Variants in MYO3B observed in about 807,000 individuals in gnomAD.
MYO3B encodes the protein myosin-IIIb.
Under a neutral mutation model 174.6 loss-of-function variants are expected in MYO3B, and 156 were observed. The observed-to-expected ratio is 0.89, with a 90% CI of 0.78 to 1.02. The LOEUF (loss-of-function observed/expected upper bound fraction) is 1.02. Among genes scored for constraint, MYO3B ranks in the 50% least tolerant of loss-of-function variants. The probability of loss-of-function intolerance (pLI) is 0.00; values close to 1 mark genes in which losing one functional copy is unlikely to be tolerated. For missense variants in MYO3B, 1,632 were observed against 1,639.4 expected, an observed-to-expected ratio of 1.00 and a Z score of 0.08; for synonymous variants, 563 against 569.1, an observed-to-expected ratio of 0.99 and a Z score of 0.15.
intron 8 of MYO3B, among the ~76,000 whole-genome samples, chr2:170,336,209 A>T (rs1197160193): frequency 6.6e-6 from 1 of 151,740 alleles, no homozygotes; most frequent in African/African-American, 2.4e-5. Context: ...TAGACCAGGC[A>T]TTACCAACCA....
At chr2:170,372,828 AG>A (rs2094258762) in intron 9 of MYO3B, among the ~76,000 whole-genome samples, 1 of 152,206 alleles carries the variant, frequency 6.6e-6, no homozygotes, top group Non-Finnish European at 1.5e-5. Flanking sequence ...AGTCAAGGAA[AG>A]GGGGTTATTC....
chr2:170,370,910 C>CT (rs1359150749), intron 9 of MYO3B, among the ~76,000 whole-genome samples: 128 of 147,630 alleles, frequency 8.7e-4, no homozygotes, highest in Non-Finnish European at 1.4e-3. Context: ...CTTTTTTTTT[C>CT]TTTTTTTTTC....
chr2:170,201,206 A>G (rs1275157130), intron 3 of MYO3B, among the ~76,000 whole-genome samples: 1 of 152,216 alleles, frequency 6.6e-6, no homozygotes, highest in Non-Finnish European at 1.5e-5. Flanking sequence ...ACGATTCCCT[A>G]TGAGGCTAAA....
chr2:170,435,432 G>GC (rs1468583399), intron 22 of MYO3B, among the ~76,000 whole-genome samples: 1 of 152,174 alleles, frequency 6.6e-6, no homozygotes, highest in African/African-American at 2.4e-5. Flanking sequence ...TCTGTAATGA[G>GC]CAATCTAACC....
In MYO3B at chr2:170,386,266, G is replaced by A; in HGVS notation, c.1368G>A (p.Leu456=). 1 of 1,613,038 alleles carries A rather than the reference G, an allele frequency of 6.2e-7. No individual in the cohort carries two copies. The highest frequency in any genetic ancestry group is 8.5e-7 in the Non-Finnish European group (1 of 1,179,292). ...AHLIVQHLTF[L]GKANNQTLRE... ...TGATTGTTCAGCATTTGACTTTCTT[G>A]GGAAAGGTATTGACTAATCTGCTTT... The change falls in exon 13 of 35, where the codon TTG becomes TTA. Residue 456 remains leucine (L), a synonymous_variant. Transcript: ENST00000408978.
intron 30 of MYO3B, among the ~76,000 whole-genome samples, chr2:170,535,192 T>G (rs1689608647): frequency 6.6e-6 from 1 of 152,192 alleles, no homozygotes; most frequent in Non-Finnish European, 1.5e-5. Context: ...CCCCAGTACT[T>G]ACAATAGTAG....
chr2:170,187,420 T>G (rs1188763970), intron 1 of MYO3B, among the ~76,000 whole-genome samples: 1 of 152,010 alleles, frequency 6.6e-6, no homozygotes, highest in Non-Finnish European at 1.5e-5. Flanking sequence ...TTAGTAGAGA[T>G]GAGGTTTCAC....
intron 32 of MYO3B, among the ~76,000 whole-genome samples, chr2:170,568,449 T>C (rs1272029807): frequency 6.6e-6 from 1 of 152,224 alleles, no homozygotes; most frequent in Non-Finnish European, 1.5e-5. Context: ...TGAAGGCATA[T>C]GGAGCGTTTG....
chr2:170,402,824 G>A, intron 18 of MYO3B, 24 bp from the exon 19 acceptor site: 1 of 1,583,450 alleles, frequency 6.3e-7, no homozygotes, highest in Non-Finnish European at 8.6e-7. Context: ...CCCCTAAAGA[G>A]TTTTGTTCTT....
intron 32 of MYO3B, among the ~76,000 whole-genome samples, chr2:170,629,505 T>TAATA (rs1575290938): frequency 1.3e-5 from 2 of 152,198 alleles, no homozygotes; most frequent in Non-Finnish European, 1.5e-5. Context: ...CTTTTTCTTG[T>TAATA]AATACCTTTT....
chr2:170,480,447 A>G (rs1268090844), intron 25 of MYO3B, among the ~76,000 whole-genome samples: 2 of 152,156 alleles, frequency 1.3e-5, no homozygotes, highest in Admixed American at 6.6e-5. Flanking sequence ...AACTTGCCCT[A>G]CTCATCTCTT....
At chr2:170,188,351 C>T (rs769026743) in intron 1 of MYO3B, among the ~76,000 whole-genome samples, 4 of 151,932 alleles carry the variant, frequency 2.6e-5, no homozygotes, top group South Asian at 2.1e-4. Flanking sequence ...ATATTCAGTC[C>T]GTGTGTGCCT....
At chr2:170,203,782 A>G (rs1419784102) in intron 3 of MYO3B, among the ~76,000 whole-genome samples, 1 of 152,180 alleles carries the variant, frequency 6.6e-6, no homozygotes, top group East Asian at 1.9e-4. Context: ...TGCAGCATTG[A>G]ACACTGACTC....
intron 7 of MYO3B, among the ~76,000 whole-genome samples, chr2:170,240,453 A>G (rs573321529): frequency 6.6e-6 from 1 of 152,316 alleles, no homozygotes; most frequent in Admixed American, 6.5e-5. Flanking sequence ...TCCAGATGAG[A>G]AAACTCAAGG....
intron 32 of MYO3B, among the ~76,000 whole-genome samples, chr2:170,624,482 T>C (rs1696225496): frequency 6.6e-6 from 1 of 152,200 alleles, no homozygotes; most frequent in Non-Finnish European, 1.5e-5. Context: ...CGATGGGACT[T>C]TCTAGATATA....
At chr2:170,499,851 A>T (rs775894208) in intron 27 of MYO3B, 43 bp downstream of exon 27, 1 of 1,596,110 alleles carries the variant, frequency 6.3e-7, no homozygotes, top group Non-Finnish European at 8.6e-7. Context: ...GGGTATTGGC[A>T]TGTCATTAAG....
chr2:170,277,458 A>G (rs1360544017), intron 7 of MYO3B, among the ~76,000 whole-genome samples: 3 of 152,214 alleles, frequency 2.0e-5, no homozygotes, highest in African/African-American at 7.2e-5. Context: ...TGATTTCTGC[A>G]TAATGTGACT....
rs536576287 is a variant in MYO3B, at chr2:170,404,334, C to A, written c.2365C>A (p.Leu789Met). The change falls in exon 20 of 35, where the codon CTG becomes ATG. Residue 789 changes from leucine (L) to methionine (M), a missense_variant. Coordinates refer to ENST00000408978, the MANE Select transcript of MYO3B (RefSeq NM_138995.5). ...CTTGGACATGTTCCTCCAGAAACCC[C>A]TGGGACTGCTTGCACTTTTGGATGA... is the stretch of plus-strand genomic sequence containing the variant. Reference protein sequence around the residue: ...PLLDMFLQKPLGLLALLDEES... With the variant: ...PLLDMFLQKPMGLLALLDEES... 5.3e-5 allele frequency: 85 copies of A among 1,613,966 alleles called. No homozygotes were observed. Among genetic ancestry groups the A allele is most frequent in the East Asian group, 6.7e-5 (3 of 44,868 alleles).
chr2:170,472,007 A>G (rs1201392686), intron 25 of MYO3B, among the ~76,000 whole-genome samples: 3 of 150,692 alleles, frequency 2.0e-5, no homozygotes, highest in Non-Finnish European at 4.4e-5. Context: ...AAAAAAAAAA[A>G]CTCACTTGAC....
Sources: allele counts gnomAD v4.1 joint callset (sites outside exome capture counted in the v4.1 genomes callset), GRCh38; gene constraint gnomAD v4.1.1; transcripts MANE v1.5; gene names NCBI Gene and HGNC (gene_info 2026-07-23, HGNC 2026-07-21).